RBFOX1: variants seen among roughly 807,000 people sequenced by gnomAD.
RBFOX1 encodes RNA binding protein fox-1 homolog 1.
A neutral mutation model predicts 57.7 loss-of-function variants in RBFOX1; 8 were observed. That is an observed-to-expected ratio of 0.14 (90% CI 0.08 to 0.25). RBFOX1 has a LOEUF of 0.25. Among genes scored for constraint, RBFOX1 ranks in the 10% least tolerant of loss-of-function variants. The pLI, the probability that RBFOX1 is intolerant of heterozygous loss-of-function variation, is 1.00. For missense variants in RBFOX1, 611 were observed against 548.5 expected (o/e 1.11, Z -1.14); for synonymous variants, 326 against 222.4 (o/e 1.47, Z -4.15).
intron 1 of RBFOX1, among the ~76,000 whole-genome samples, chr16:6,139,396 T>C (rs1379354781): frequency 1.3e-5 from 2 of 152,192 alleles, no homozygotes; most frequent in African/African-American, 4.8e-5. Context: ...AGTCACTTTC[T>C]CCATGTGGGA....
chr16:7,064,751 C>T (rs183358516), intron 4 of RBFOX1, among the ~76,000 whole-genome samples: 128 of 152,242 alleles, frequency 8.4e-4, no homozygotes, highest in African/African-American at 3.0e-3. Context: ...AAATCAAAAG[C>T]AAATGAACAA....
chr16:6,978,613 A>G (rs1428995990), intron 3 of RBFOX1, among the ~76,000 whole-genome samples: 1 of 152,090 alleles, frequency 6.6e-6, no homozygotes, highest in Admixed American at 6.5e-5. Context: ...TGCCTTCCAC[A>G]TATTTTCTCT....
At position 6,841,966 on chromosome 16, in the gene RBFOX1, G is replaced by A. The variant is rs753735209; in HGVS notation, c.-16+187316G>A. On this transcript the variant is annotated intron_variant, in intron 3 of 15. Coordinates refer to ENST00000550418, the MANE Select transcript of RBFOX1 (RefSeq NM_018723.4). ...ATCCTGGCTAATACGGTGAAACCCC[G>A]TCTCTATTAAAAAAAAAATACAAAA... Among the ~76,000 whole-genome samples, 39 of 127,648 alleles carry A rather than the reference G, an allele frequency of 3.1e-4. No individual in the cohort carries two copies. The South Asian group carries it at 4.7e-3, about 15-fold the overall frequency. 83.7% of individuals were successfully genotyped at this position (127,648 alleles called of 152,430 possible). A position where few individuals can be genotyped will look rare whatever the true frequency, so the allele number is the denominator to read the frequency against.
intron 2 of RBFOX1, among the ~76,000 whole-genome samples, chr16:5,578,024 T>G (rs886963699): frequency 5.3e-5 from 8 of 152,222 alleles, no homozygotes; most frequent in African/African-American, 1.9e-4. Flanking sequence ...TGATCTTGGC[T>G]CACTGCCACC....
chr16:5,239,993 G>T, exon 1 of RBFOX1: 2 of 1,530,898 alleles, frequency 1.3e-6, no homozygotes, highest in Non-Finnish European at 1.7e-6. Context: ...AAGAGGCTGC[G>T]GCTGGGGCTG....
intron 1 of RBFOX1, among the ~76,000 whole-genome samples, chr16:6,028,187 C>G (rs2095232970): frequency 6.6e-6 from 1 of 152,110 alleles, no homozygotes; most frequent in Non-Finnish European, 1.5e-5. Context: ...AATGTCATAC[C>G]TATTTCTTCA....
At chr16:6,872,034 G>A (rs1354122071) in intron 3 of RBFOX1, among the ~76,000 whole-genome samples, 1 of 151,820 alleles carries the variant, frequency 6.6e-6, no homozygotes, top group African/African-American at 2.4e-5. Flanking sequence ...ATGATTGTGT[G>A]TAGGTATCGT....
chr16:6,864,439 G>C (rs1170749567), intron 3 of RBFOX1, among the ~76,000 whole-genome samples: 3 of 151,774 alleles, frequency 2.0e-5, no homozygotes, highest in Non-Finnish European at 2.9e-5. Flanking sequence ...ATTCAGAAAA[G>C]AAATGACATC....
intron 2 of RBFOX1, among the ~76,000 whole-genome samples, chr16:6,385,652 C>G (rs2092213657): frequency 6.6e-6 from 1 of 152,302 alleles, no homozygotes; most frequent in East Asian, 1.9e-4. Context: ...TTTTTCCCAT[C>G]TTTAAAATGG....
chr16:6,397,323 G>A (rs1054171735), intron 2 of RBFOX1, among the ~76,000 whole-genome samples: 1 of 152,084 alleles, frequency 6.6e-6, no homozygotes, highest in African/African-American at 2.4e-5. Flanking sequence ...CCTACATGGG[G>A]CATAGTGATA....
intron 3 of RBFOX1, among the ~76,000 whole-genome samples, chr16:7,048,773 C>T (rs1211133648): frequency 6.6e-6 from 1 of 152,038 alleles, no homozygotes; most frequent in Admixed American, 6.6e-5. Flanking sequence ...TCCTAGTATG[C>T]TAAGTCATTT....
intron 2 of RBFOX1, among the ~76,000 whole-genome samples, chr16:6,420,091 A>G (rs995010985): frequency 2.0e-5 from 3 of 152,324 alleles, no homozygotes; most frequent in African/African-American, 7.2e-5. Flanking sequence ...AATGATTTTA[A>G]TCTTCATTTC....
intron 14 of RBFOX1, among the ~76,000 whole-genome samples, chr16:7,697,084 C>G (rs1184413313): frequency 2.0e-5 from 3 of 152,132 alleles, no homozygotes; most frequent in African/African-American, 7.2e-5. Context: ...GGGTTGTAAT[C>G]TGACTTTAAT....
intron 3 of RBFOX1, among the ~76,000 whole-genome samples, chr16:6,978,373 A>C (rs75336607): frequency 0.012 from 1,775 of 152,324 alleles, 32 homozygotes; most frequent in African/African-American, 0.041. Flanking sequence ...CTAATTACTC[A>C]TACAGACGTC....
intron 4 of RBFOX1, among the ~76,000 whole-genome samples, chr16:7,197,441 A>G (rs1403565919): frequency 2.7e-4 from 11 of 41,242 alleles, no homozygotes; most frequent in African/African-American, 8.3e-4. Flanking sequence ...CTGTGAGTGG[A>G]AAAAAAAAAA....
chr16:6,478,078 C>G (rs998109382), intron 2 of RBFOX1, among the ~76,000 whole-genome samples: 1 of 152,072 alleles, frequency 6.6e-6, no homozygotes, highest in African/African-American at 2.4e-5. Context: ...ATCTAAACCA[C>G]TAATACTCCA....
intron 3 of RBFOX1, among the ~76,000 whole-genome samples, chr16:6,703,720 G>T (rs987249022): frequency 6.8e-6 from 1 of 147,338 alleles, no homozygotes; most frequent in South Asian, 2.1e-4. Context: ...AGAAAAAAAA[G>T]AAAAGAAAAA....
intron 3 of RBFOX1, among the ~76,000 whole-genome samples, chr16:5,641,220 T>G (rs1050767097): frequency 2.6e-5 from 4 of 152,088 alleles, no homozygotes; most frequent in Non-Finnish European, 5.9e-5. Flanking sequence ...CATACATACA[T>G]GCATGCACAT....
intron 3 of RBFOX1, among the ~76,000 whole-genome samples, chr16:7,032,049 A>C (rs891980906): frequency 6.6e-6 from 1 of 152,120 alleles, no homozygotes; most frequent in Non-Finnish European, 1.5e-5. Context: ...CTTTGTATTT[A>C]GTGGCTTGGA....
Sources: allele counts gnomAD v4.1 joint callset (sites outside exome capture counted in the v4.1 genomes callset), GRCh38; gene constraint gnomAD v4.1.1; transcripts MANE v1.5; gene names NCBI Gene and HGNC (gene_info 2026-07-23, HGNC 2026-07-21).